AFF3: variants seen among roughly 807,000 people sequenced by gnomAD.
AFF3 encodes the protein ALF transcription elongation factor 3.
A neutral mutation model predicts 129.7 loss-of-function variants in AFF3; 32 were observed. The ratio of observed to expected loss-of-function variants is 0.25; its 90% CI spans 0.19 to 0.33. AFF3 has a LOEUF of 0.33. Ranked by LOEUF, AFF3 falls within the 10% of genes least tolerant of loss-of-function variation. The pLI, the probability that AFF3 is intolerant of heterozygous loss-of-function variation, is 1.00. For synonymous variants in AFF3, 644 were observed against 635.4 expected (o/e 1.01, Z -0.20); for missense variants, 1,373 against 1,592.0 (o/e 0.86, Z 2.34).
intron 7 of AFF3, among the ~76,000 whole-genome samples, chr2:99,972,751 G>T (rs551422539): frequency 6.6e-6 from 1 of 152,320 alleles, no homozygotes; most frequent in African/African-American, 2.4e-5. Context: ...AATGGAGAGT[G>T]ACTGTAGAGT....
chr2:99,792,871 A>T (rs1685296480), intron 8 of AFF3, among the ~76,000 whole-genome samples: 1 of 152,218 alleles, frequency 6.6e-6, no homozygotes, highest in African/African-American at 2.4e-5. Context: ...GGTTGATATC[A>T]GACTAATGTT....
chr2:99,864,837 T>C (rs1691261465), intron 7 of AFF3, among the ~76,000 whole-genome samples: 1 of 152,164 alleles, frequency 6.6e-6, no homozygotes, highest in South Asian at 2.1e-4. Flanking sequence ...ATATGTTCTT[T>C]GGGAGTGTGA....
chr2:100,110,996 C>T (rs1462954347), intron 2 of AFF3, among the ~76,000 whole-genome samples: 1 of 152,176 alleles, frequency 6.6e-6, no homozygotes, highest in Non-Finnish European at 1.5e-5. Flanking sequence ...TCACTTTCTT[C>T]TTCCTGTCCA....
At chr2:99,991,182 T>C (rs1453813028) in intron 7 of AFF3, among the ~76,000 whole-genome samples, 1 of 152,156 alleles carries the variant, frequency 6.6e-6, no homozygotes, top group Non-Finnish European at 1.5e-5. Context: ...CACTTCAAAT[T>C]TGATGAGACT....
intron 4 of AFF3, among the ~76,000 whole-genome samples, chr2:100,082,111 C>A (rs2105360171): frequency 6.6e-6 from 1 of 152,264 alleles, no homozygotes; most frequent in Admixed American, 6.5e-5. Context: ...ATTACATAAG[C>A]ATTTCTAGTT....
intron 24 of AFF3, among the ~76,000 whole-genome samples, chr2:99,553,917 C>CAA (rs1674649199): frequency 8.0e-3 from 580 of 72,418 alleles, no homozygotes; most frequent in Non-Finnish European, 9.7e-3. Context: ...CTGTCTCAAA[C>CAA]CAAAAAAAAA....
intron 10 of AFF3, among the ~76,000 whole-genome samples, chr2:99,730,375 A>G (rs1679724445): frequency 6.6e-6 from 1 of 152,222 alleles, no homozygotes. Context: ...CTCTTTAAAC[A>G]TTTAAATGGA....
intron 24 of AFF3, 28 bp downstream of exon 24, chr2:99,554,283 C>G: frequency 6.2e-7 from 1 of 1,612,738 alleles, no homozygotes; most frequent in Non-Finnish European, 8.5e-7. Flanking sequence ...GGCGGAAGCC[C>G]CTGGTTCCCC....
rs150103228 is a variant in AFF3, at chr2:99,587,488, G to A, written c.2467-210C>T. On this transcript the variant is annotated intron_variant, in intron 15 of 24. Transcript: ENST00000672756. ...AAATCTGTCAGTTTTACAATTGACAGCTGATGGAGAGGAGAGGCACGACGC... is the reference window on the plus strand; with the variant it reads ...AAATCTGTCAGTTTTACAATTGACAACTGATGGAGAGGAGAGGCACGACGC... Among the ~76,000 whole-genome samples, 588 of 152,304 alleles carry A rather than the reference G, an allele frequency of 3.9e-3. 10 individuals carry two copies. The highest frequency in any genetic ancestry group is 0.014 in the African/African-American group (566 of 41,564).
At chr2:99,665,296 A>C (rs1458401468) in intron 12 of AFF3, among the ~76,000 whole-genome samples, 1 of 152,240 alleles carries the variant, frequency 6.6e-6, no homozygotes, top group African/African-American at 2.4e-5. Flanking sequence ...ATAGAAATAC[A>C]ATAGTTTATA....
At chr2:99,718,471 A>G (rs914520266) in intron 11 of AFF3, among the ~76,000 whole-genome samples, 3 of 152,244 alleles carry the variant, frequency 2.0e-5, no homozygotes, top group African/African-American at 7.2e-5. Flanking sequence ...TGATAAATGG[A>G]AACACAATAG....
intron 12 of AFF3, among the ~76,000 whole-genome samples, chr2:99,666,123 G>C (rs1397594056): frequency 3.3e-5 from 5 of 152,200 alleles, no homozygotes; most frequent in Non-Finnish European, 5.9e-5. Flanking sequence ...CAGTGGTGCA[G>C]ATGTGGTATT....
intron 1 of AFF3, among the ~76,000 whole-genome samples, chr2:100,141,348 A>C (rs1692864963): frequency 6.6e-6 from 1 of 152,236 alleles, no homozygotes; most frequent in South Asian, 2.1e-4. Context: ...ACACAACCAA[A>C]ACTAAGAATA....
At chr2:99,913,797 C>T (rs1695267773) in intron 7 of AFF3, among the ~76,000 whole-genome samples, 1 of 151,858 alleles carries the variant, frequency 6.6e-6, no homozygotes, top group African/African-American at 2.4e-5. Context: ...AAGGGGATCC[C>T]ATTGACCAAA....
intron 7 of AFF3, among the ~76,000 whole-genome samples, chr2:99,921,220 T>C (rs1558976892): frequency 6.6e-6 from 1 of 152,176 alleles, no homozygotes; most frequent in Non-Finnish European, 1.5e-5. Flanking sequence ...ACATTCATTC[T>C]TTCTATAACT....
chr2:99,892,741 C>A (rs1212404094), intron 7 of AFF3, among the ~76,000 whole-genome samples: 1 of 152,242 alleles, frequency 6.6e-6, no homozygotes, highest in Non-Finnish European at 1.5e-5. Flanking sequence ...AGGGGCTCTG[C>A]TTCCTGCTCA....
chr2:99,897,666 C>A (rs1694072977), intron 7 of AFF3, among the ~76,000 whole-genome samples: 1 of 152,164 alleles, frequency 6.6e-6, no homozygotes. Flanking sequence ...TTCTGGAGAG[C>A]TCACTGTCTA....
chr2:99,674,059 T>G (rs1687402612), intron 11 of AFF3, among the ~76,000 whole-genome samples: 1 of 152,212 alleles, frequency 6.6e-6, no homozygotes, highest in South Asian at 2.1e-4. Context: ...AACTTCTAAG[T>G]AGTTTTTAGG....
chr2:99,708,250 AC>A (rs1677584126), intron 11 of AFF3, among the ~76,000 whole-genome samples: 1 of 152,208 alleles, frequency 6.6e-6, no homozygotes, highest in East Asian at 1.9e-4. Context: ...TTTAAAAAAA[AC>A]AAAGGCATCC....
Sources: allele counts gnomAD v4.1 joint callset (sites outside exome capture counted in the v4.1 genomes callset), GRCh38; gene constraint gnomAD v4.1.1; transcripts MANE v1.5; gene names NCBI Gene and HGNC (gene_info 2026-07-23, HGNC 2026-07-21).